The following NKAIN2 variants were observed in gnomAD, a reference collection of about 807,000 sequenced individuals.
NKAIN2 encodes sodium/potassium-transporting ATPase subunit beta-1-interacting protein 2.
In NKAIN2, 14 loss-of-function variants were observed where a neutral mutation model predicts 32.6. The ratio of observed to expected loss-of-function variants is 0.43; its 90% CI spans 0.28 to 0.67. The LOEUF is 0.67. Among genes scored for constraint, NKAIN2 ranks in the 30% least tolerant of loss-of-function variants. The probability of loss-of-function intolerance (pLI) is 0.17; values close to 1 mark genes in which losing one functional copy is unlikely to be tolerated. For missense variants in NKAIN2, 198 were observed against 258.3 expected (o/e 0.77, Z 1.60); for synonymous variants, 80 against 87.2 (o/e 0.92, Z 0.46).
At chr6:123,954,626 C>T (rs533303962) in intron 1 of NKAIN2, among the ~76,000 whole-genome samples, 1 of 152,350 alleles carries the variant, frequency 6.6e-6, no homozygotes, top group Non-Finnish European at 1.5e-5. Context: ...CCAGCTGCTG[C>T]TAGCCAGCCA....
At chr6:124,209,847 A>G (rs1089564) in intron 1 of NKAIN2, among the ~76,000 whole-genome samples, 105,539 of 151,658 alleles carry the variant, frequency 0.7, 36,968 homozygotes, top group South Asian at 0.76. Flanking sequence ...TATTGTGGTT[A>G]TTATTACCTT....
intron 1 of NKAIN2, among the ~76,000 whole-genome samples, chr6:123,994,223 C>G (rs1419416231): frequency 7.0e-6 from 1 of 143,032 alleles, no homozygotes; most frequent in Admixed American, 7.1e-5. Flanking sequence ...TTTTTAGATT[C>G]TGAGATAGCA....
intron 1 of NKAIN2, among the ~76,000 whole-genome samples, chr6:124,024,710 C>T (rs1781026464): frequency 6.6e-6 from 1 of 152,142 alleles, no homozygotes; most frequent in Non-Finnish European, 1.5e-5. Flanking sequence ...TTTTCCTGGC[C>T]AGGCGTGGTG....
chr6:124,107,817 G>T (rs116821612), intron 1 of NKAIN2, among the ~76,000 whole-genome samples: 83 of 152,090 alleles, frequency 5.5e-4, no homozygotes, highest in African/African-American at 1.9e-3. Context: ...TTCACCCTGC[G>T]TAAGGTGTTC....
chr6:124,333,041 T>G (rs1797727721), intron 2 of NKAIN2, among the ~76,000 whole-genome samples: 1 of 152,146 alleles, frequency 6.6e-6, no homozygotes, highest in African/African-American at 2.4e-5. Context: ...ACAATTGAAT[T>G]CTAGAAATCT....
chr6:124,732,167 A>C (rs756416675), intron 4 of NKAIN2, among the ~76,000 whole-genome samples: 4 of 152,108 alleles, frequency 2.6e-5, no homozygotes, highest in Non-Finnish European at 5.9e-5. Context: ...CTAGGACTTC[A>C]TCAGAAAGAG....
chr6:124,708,994 T>C (rs1476850105), intron 4 of NKAIN2, among the ~76,000 whole-genome samples: 4 of 146,146 alleles, frequency 2.7e-5, no homozygotes, highest in Non-Finnish European at 4.5e-5. Context: ...ATAGCTCTTA[T>C]GATTTTGAGA....
At chr6:124,633,733 T>C (rs1168560270) in intron 3 of NKAIN2, among the ~76,000 whole-genome samples, 1 of 152,202 alleles carries the variant, frequency 6.6e-6, no homozygotes, top group Admixed American at 6.5e-5. Context: ...CAAGTTAAAA[T>C]CTTTGGAGCC....
intron 1 of NKAIN2, among the ~76,000 whole-genome samples, chr6:124,074,026 A>T (rs1582587751): frequency 6.6e-6 from 1 of 152,196 alleles, no homozygotes; most frequent in African/African-American, 2.4e-5. Flanking sequence ...GCTATGATTT[A>T]TTACAGTGAA....
chr6:124,295,513 T>C (rs1796010729), intron 2 of NKAIN2, among the ~76,000 whole-genome samples: 1 of 152,116 alleles, frequency 6.6e-6, no homozygotes, highest in East Asian at 1.9e-4. Context: ...ATTTATATCA[T>C]ATAGAATAAA....
At chr6:124,030,691 C>T (rs1781366828) in intron 1 of NKAIN2, among the ~76,000 whole-genome samples, 1 of 152,206 alleles carries the variant, frequency 6.6e-6, no homozygotes, top group Non-Finnish European at 1.5e-5. Flanking sequence ...TTACAGATGA[C>T]TTCACAATTA....
chr6:124,564,018 A>T (rs549342), intron 3 of NKAIN2, among the ~76,000 whole-genome samples: 151,019 of 152,210 alleles, frequency 0.99, 74,928 homozygotes, highest in East Asian at 1. Flanking sequence ...ATTAGGAAAG[A>T]TCACTCAGTT....
chr6:124,174,078 C>A (rs1789035663), intron 1 of NKAIN2, among the ~76,000 whole-genome samples: 1 of 152,040 alleles, frequency 6.6e-6, no homozygotes. Context: ...AATCTGATAT[C>A]ATTGCAGTCA....
At chr6:124,551,250 G>A (rs1780276535) in intron 3 of NKAIN2, among the ~76,000 whole-genome samples, 1 of 152,160 alleles carries the variant, frequency 6.6e-6, no homozygotes, top group South Asian at 2.1e-4. Context: ...TTAGTCTATT[G>A]TCATAGAAAA....
intron 1 of NKAIN2, among the ~76,000 whole-genome samples, chr6:123,949,561 C>T (rs1030870625): frequency 5.9e-5 from 9 of 151,906 alleles, no homozygotes; most frequent in African/African-American, 1.9e-4. Flanking sequence ...CATTTTGTAA[C>T]TATTGTAAAT....
intron 1 of NKAIN2, among the ~76,000 whole-genome samples, chr6:124,051,664 A>C (rs564808907): frequency 3.3e-5 from 5 of 151,802 alleles, no homozygotes; most frequent in African/African-American, 1.2e-4. Flanking sequence ...TTAAATTATC[A>C]TAGGGAAGGA....
chr6:124,766,112 A>G (rs530354017), intron 4 of NKAIN2, among the ~76,000 whole-genome samples: 167 of 152,326 alleles, frequency 1.1e-3, no homozygotes, highest in African/African-American at 3.9e-3. Flanking sequence ...TATTTTATAA[A>G]ACACACAAAG....
intron 3 of NKAIN2, among the ~76,000 whole-genome samples, chr6:124,570,834 C>G (rs1239599287): frequency 6.6e-6 from 1 of 152,116 alleles, no homozygotes; most frequent in African/African-American, 2.4e-5. Flanking sequence ...CCTCCAGACC[C>G]CATAATGGTA....
chr6:124,810,489 G>C (rs538361049), intron 5 of NKAIN2, among the ~76,000 whole-genome samples: 14 of 151,988 alleles, frequency 9.2e-5, no homozygotes, highest in Non-Finnish European at 1.8e-4. Flanking sequence ...GTTGTGGGGT[G>C]GGGGGAGCGG....
Sources: allele counts gnomAD v4.1 joint callset (sites outside exome capture counted in the v4.1 genomes callset), GRCh38; gene constraint gnomAD v4.1.1; transcripts MANE v1.5; gene names NCBI Gene and HGNC (gene_info 2026-07-23, HGNC 2026-07-21).